ENTPD6: variants seen among roughly 807,000 people sequenced by gnomAD.
ENTPD6 encodes the protein CD39 antigen-like 2.
Under a neutral mutation model 61.5 loss-of-function variants are expected in ENTPD6, and 46 were observed. That is an observed-to-expected ratio of 0.75 (90% CI 0.59 to 0.96). The LOEUF (loss-of-function observed/expected upper bound fraction) is 0.96, where lower values mean the gene tolerates loss of function less well. ENTPD6 is among the 40% of genes least tolerant of loss of function. ENTPD6 has a pLI of 0.00. For synonymous variants in ENTPD6, 252 were observed against 255.5 expected, an observed-to-expected ratio of 0.99 and a Z score of 0.13; for missense variants, 612 against 629.0, an observed-to-expected ratio of 0.97 and a Z score of 0.29.
At position 25,225,987 on chromosome 20, in the gene ENTPD6, T is replaced by G; in HGVS notation, c.*390T>G. On this transcript the variant is annotated 3_prime_UTR_variant, in exon 15 of 15. Transcript: ENST00000376652. Reference sequence around the variant, plus strand: ...GAGTCTTGTCTCCCAGCCTGTCAGTTTCCTCCCCAGGGCAGAGCTCCCCTT... The same window carrying G: ...GAGTCTTGTCTCCCAGCCTGTCAGTGTCCTCCCCAGGGCAGAGCTCCCCTT... 1 of 163,720 alleles carries G rather than the reference T, an allele frequency of 6.1e-6. No individual in the cohort carries two copies. Among genetic ancestry groups the G allele is most frequent in the South Asian group, 1.8e-4 (1 of 5,412 alleles). 10.1% of individuals were successfully genotyped at this position (163,720 alleles called of 1,614,324 possible).
intron 1 of ENTPD6, among the ~76,000 whole-genome samples, chr20:25,201,564 A>T (rs1600499990): frequency 6.6e-6 from 1 of 152,150 alleles, no homozygotes; most frequent in South Asian, 2.1e-4. Flanking sequence ...CTTTTGTCTG[A>T]TATTGGTACA....
At chr20:25,212,952 G>T (rs1346248512) in intron 4 of ENTPD6, among the ~76,000 whole-genome samples, 1 of 152,230 alleles carries the variant, frequency 6.6e-6, no homozygotes, top group Non-Finnish European at 1.5e-5. Flanking sequence ...TGATCCGCCT[G>T]CCTTGGCCTC....
chr20:25,226,646 A>C lies in ENTPD6; in HGVS notation c.*1049A>C, dbSNP rs1242619552. Reference sequence around the variant, plus strand: ...GGGGCTGAGCCCCTTGAGCTGCTTCAGTGAATGTACAGTGCCCGGCACGAG... The same window carrying C: ...GGGGCTGAGCCCCTTGAGCTGCTTCCGTGAATGTACAGTGCCCGGCACGAG... On this transcript the variant is annotated 3_prime_UTR_variant, in exon 15 of 15. Transcript: ENST00000376652. The C allele has an allele frequency of 6.6e-6, 1 of 152,376 alleles. No homozygotes were observed. Among genetic ancestry groups the C allele is most frequent in the Non-Finnish European group, 1.5e-5 (1 of 68,118 alleles). 9.4% of individuals were successfully genotyped at this position (152,376 alleles called of 1,614,324 possible).
intron 1 of ENTPD6, among the ~76,000 whole-genome samples, chr20:25,196,916 G>T (rs2090492266): frequency 6.6e-6 from 1 of 152,162 alleles, no homozygotes; most frequent in Admixed American, 6.5e-5. Context: ...AAGGACCAGG[G>T]AGGTGGGCAG....
Position 25,207,069 on chromosome 20 carries a change from C to G in ENTPD6, c.55-7C>G, listed in dbSNP as rs769205897. On this transcript the variant is annotated splice_polypyrimidine_tract_variant and splice_region_variant and intron_variant, in intron 2 of 14. Coordinates refer to ENST00000376652, the MANE Select transcript of ENTPD6 (RefSeq NM_001247.5). ...TGCTTTTCCTGCCTCTCCCCCCTTC[C>G]CACCAGCAGCCGCAGCACGGTCCTT... 6.3e-7 allele frequency: 1 copy of G among 1,593,976 alleles called. No individual in the cohort carries two copies. Among genetic ancestry groups the G allele is most frequent in the Non-Finnish European group, 8.6e-7 (1 of 1,165,382 alleles).
rs1345924167 is a variant in ENTPD6, at chr20:25,217,485, C to T, written c.799-17C>T. 2 of 1,612,022 alleles carry T rather than the reference C, an allele frequency of 1.2e-6. No homozygotes were observed. The highest frequency in any genetic ancestry group is 1.7e-6 in the Non-Finnish European group (2 of 1,178,218). ...GAAAGACCAGCAGGAAACATAGTTA[C>T]CCTCGTTCTTCTCCAGGGCACCCTG... On this transcript the variant is annotated splice_polypyrimidine_tract_variant and intron_variant, in intron 8 of 14. Coordinates refer to ENST00000376652, the MANE Select transcript of ENTPD6 (RefSeq NM_001247.5).
intron 4 of ENTPD6, among the ~76,000 whole-genome samples, chr20:25,212,993 C>T (rs1468959954): frequency 6.6e-6 from 1 of 152,254 alleles, no homozygotes; most frequent in Non-Finnish European, 1.5e-5. Context: ...GCGTAAGCCA[C>T]CGTGCCCGGC....
In ENTPD6 at chr20:25,226,915, G is replaced by C. The variant is rs1340407063; in HGVS notation, c.*1318G>C. Reference sequence around the variant, plus strand: ...GTGAAGGGTCTGGCTGGTGGCCCCGGCCCTCCCAGCGTCTGTTGAGCACAG... The same window carrying C: ...GTGAAGGGTCTGGCTGGTGGCCCCGCCCCTCCCAGCGTCTGTTGAGCACAG... On this transcript the variant is annotated 3_prime_UTR_variant, in exon 15 of 15. Coordinates refer to ENST00000376652, the MANE Select transcript of ENTPD6 (RefSeq NM_001247.5). Among the ~76,000 whole-genome samples, 2 of 152,234 alleles carry C rather than the reference G, an allele frequency of 1.3e-5. No individual in the cohort carries two copies. The highest frequency in any genetic ancestry group is 4.8e-5 in the African/African-American group (2 of 41,474).
intron 1 of ENTPD6, chr20:25,196,204 C>A: frequency 8.4e-7 from 1 of 1,186,250 alleles, no homozygotes; most frequent in Non-Finnish European, 1.0e-6. Flanking sequence ...GACCCCTCCG[C>A]CCTGGATGAG....
At chr20:25,224,279 C>A (rs2092731089) in intron 13 of ENTPD6, 122 bp downstream of exon 13, 2 of 789,114 alleles carry the variant, frequency 2.5e-6, no homozygotes, top group South Asian at 2.1e-5. Context: ...AGGCAGGGGC[C>A]TCGGCCCCAG....
chr20:25,223,813 T>G (rs1008116228), intron 12 of ENTPD6: 6 of 290,188 alleles, frequency 2.1e-5, no homozygotes, highest in Admixed American at 5.2e-5. Context: ...TTTCTTAACT[T>G]AAAATTTTAC....
chr20:25,219,941 T>C (rs565356809), intron 10 of ENTPD6, among the ~76,000 whole-genome samples: 2 of 152,286 alleles, frequency 1.3e-5, no homozygotes, highest in South Asian at 4.1e-4. Flanking sequence ...GCTGCAGCCC[T>C]TATTCTGGGG....
At position 25,227,300 on chromosome 20, in the gene ENTPD6, C is replaced by T. The variant is rs765493205; in HGVS notation, c.*1703C>T. On this transcript the variant is annotated 3_prime_UTR_variant, in exon 15 of 15. Coordinates refer to ENST00000376652, the MANE Select transcript of ENTPD6 (RefSeq NM_001247.5). ...CCCGCCTGGGCTGGGTCCCCACCAG[C>T]GCCTTTACTTCCATAATATCCACCA... is the stretch of plus-strand genomic sequence containing the variant. 3.9e-5 allele frequency among the ~76,000 whole-genome samples: 6 copies of T among 152,220 alleles called. No individual in the cohort carries two copies. The highest frequency in any genetic ancestry group is 8.8e-5 in the Non-Finnish European group (6 of 68,042).
chr20:25,223,027 C>CGGGGGGGCTGGGGGG, intron 12 of ENTPD6, 49 bp downstream of exon 12: 3 of 490,358 alleles, frequency 6.1e-6, no homozygotes. Flanking sequence ...CGGCAGGGGG[C>CGGGGGGGCTGGGGGG]GGGGGTGGAG....
intron 6 of ENTPD6, 139 bp from the exon 7 acceptor site, chr20:25,215,537 G>T (rs1295597586): frequency 3.7e-6 from 3 of 800,398 alleles, no homozygotes; most frequent in African/African-American, 1.7e-5. Context: ...CCTCTCTGCC[G>T]ATGATCTGAA....
chr20:25,214,480 C>G (rs975527041), intron 5 of ENTPD6, among the ~76,000 whole-genome samples: 2 of 152,226 alleles, frequency 1.3e-5, no homozygotes, highest in Non-Finnish European at 2.9e-5. Context: ...TTCCCCCAGT[C>G]TATGCAGCCC....
intron 10 of ENTPD6, 46 bp from the exon 11 acceptor site, chr20:25,221,186 C>A (rs547909888): frequency 2.0e-6 from 3 of 1,476,852 alleles, no homozygotes; most frequent in East Asian, 2.3e-5. Flanking sequence ...TAGTCCATGG[C>A]GGTGATATAC....
chr20:25,225,517 A>C lies in ENTPD6; in HGVS notation c.1375A>C (p.Asn459His), dbSNP rs199921670. 4 of 1,613,834 alleles carry C rather than the reference A, an allele frequency of 2.5e-6. No individual in the cohort carries two copies. Among genetic ancestry groups the C allele is most frequent in the South Asian group, 1.1e-5 (1 of 91,046 alleles). ...KVLKLTRKID[N>H]VETSWALGAI... ...TTTCAAGCTCACTCGGAAAATTGAC[A>C]ATGTTGAGACCAGCTGGGCTCTGGG... Residue 459 changes from asparagine to histidine, a missense_variant, in exon 15 of 15, where the codon AAT (asparagine) becomes CAT (histidine). By Grantham distance (68) the Asn-to-His change is moderately conservative (BLOSUM62 1). Transcript: ENST00000376652.
At chr20:25,221,475 G>A (rs997171718) in intron 11 of ENTPD6, 142 bp downstream of exon 11, 1 of 732,428 alleles carries the variant, frequency 1.4e-6, no homozygotes, top group African/African-American at 1.7e-5. Context: ...CCCTGGAAGT[G>A]AAGGTGGTTT....
Sources: allele counts gnomAD v4.1 joint callset (sites outside exome capture counted in the v4.1 genomes callset), GRCh38; gene constraint gnomAD v4.1.1; transcripts MANE v1.5; gene names NCBI Gene and HGNC (gene_info 2026-07-23, HGNC 2026-07-21).